Variants in TMEM9 observed in about 807,000 individuals in gnomAD.
TMEM9 encodes proton-transporting V-type ATPase complex assembly regulator TMEM9.
In TMEM9, 13 loss-of-function variants were observed where a neutral mutation model predicts 22.8. The observed-to-expected ratio is 0.57, with a 90% confidence interval of 0.37 to 0.91. The LOEUF (loss-of-function observed/expected upper bound fraction) is 0.91, where lower values mean the gene tolerates loss of function less well. TMEM9 is among the 40% of genes least tolerant of loss of function. The pLI, the probability that TMEM9 is intolerant of heterozygous loss-of-function variation, is 0.01. For missense variants in TMEM9, 182 were observed against 238.1 expected (o/e 0.76, Z 1.55); for synonymous variants, 88 against 93.0 (o/e 0.95, Z 0.31).
Position 201,146,823 on chromosome 1 carries a change from T to C in TMEM9, c.184A>G (p.Met62Val). The C allele has an allele frequency of 3.7e-6, 6 of 1,614,212 alleles. No homozygotes were observed. The highest frequency in any genetic ancestry group is 4.2e-6 in the Non-Finnish European group (5 of 1,180,036). ...TCCACGTCATGGCCAGGCACTGGCA[T>C]GGGCTCCACCACGTGCAGGCAGTTG... Reference protein sequence around the residue: ...DCNCLHVVEPMPVPGHDVEAY... With the variant: ...DCNCLHVVEPVPVPGHDVEAY... The change falls in exon 3 of 5, where the codon ATG (methionine) becomes GTG (valine). Residue 62 changes from methionine (M) to valine (V), a missense_variant. By Grantham distance (21) the Met-to-Val change is conservative (BLOSUM62 1). Coordinates refer to ENST00000367330, the MANE Select transcript of TMEM9 (RefSeq NM_001288565.2).
upstream of TMEM9, among the ~76,000 whole-genome samples, chr1:201,155,125 G>A (rs1383345657): frequency 1.3e-5 from 2 of 152,206 alleles, no homozygotes; most frequent in East Asian, 3.8e-4. Flanking sequence ...AGCTGTGAAG[G>A]AAAGGGGAGT....
intron 1 of TMEM9, among the ~76,000 whole-genome samples, chr1:201,166,501 T>G (rs1014646272): frequency 1.3e-5 from 2 of 152,074 alleles, no homozygotes; most frequent in African/African-American, 4.8e-5. Flanking sequence ...TAGCTGAAAC[T>G]GCAGGCACCT....
At chr1:201,149,494 T>A (rs1307347183) in intron 2 of TMEM9, among the ~76,000 whole-genome samples, 2 of 152,182 alleles carry the variant, frequency 1.3e-5, no homozygotes, top group African/African-American at 4.8e-5. Flanking sequence ...TCTGGGAGTG[T>A]CTCTAATAAC....
chr1:201,152,473 G>A (rs996742850), intron 1 of TMEM9, among the ~76,000 whole-genome samples: 3 of 152,082 alleles, frequency 2.0e-5, no homozygotes, highest in African/African-American at 7.2e-5. Flanking sequence ...TTACTTCAAA[G>A]TCTGGATGAT....
Position 201,154,063 on chromosome 1 carries a change from G to A in TMEM9, c.-140C>T. On this transcript the variant is annotated 5_prime_UTR_variant, in exon 1 of 5. Transcript: ENST00000367330. ...CCAAGTGGGAATGGGGTTGGGGGCT[G>A]GGCTCCAGGATTCCAAGGCCTGCTA... The A allele has an allele frequency of 3.0e-6, 3 of 1,012,794 alleles. No homozygotes were observed. Among genetic ancestry groups the A allele is most frequent in the Non-Finnish European group, 4.2e-6 (3 of 711,784 alleles). The allele number at this position is 1,012,794 out of a possible 1,614,324, so 62.7% of individuals were successfully genotyped here.
chr1:201,154,243 C>T lies in TMEM9; in HGVS notation c.-320G>A, dbSNP rs950211002. 3.1e-5 allele frequency: 8 copies of T among 259,152 alleles called. No homozygotes were observed. Among genetic ancestry groups the T allele is most frequent in the African/African-American group, 1.8e-4 (8 of 44,174 alleles). The allele number at this position is 259,152 out of a possible 1,614,324, so 16.1% of individuals were successfully genotyped here. A position where few individuals can be genotyped will look rare whatever the true frequency, so the allele number is the denominator to read the frequency against. ...CGGCTCTGACCCGCGCATCACGTCC[C>T]ACCGCCCTCCGCCATCTCCGCCTCT... is the stretch of plus-strand genomic sequence containing the variant. On this transcript the variant is annotated 5_prime_UTR_variant, in exon 1 of 5. Coordinates refer to ENST00000367330, the MANE Select transcript of TMEM9 (RefSeq NM_001288565.2).
upstream of TMEM9, among the ~76,000 whole-genome samples, chr1:201,156,643 C>T (rs1460951381): frequency 6.6e-6 from 1 of 152,202 alleles, no homozygotes; most frequent in Non-Finnish European, 1.5e-5. Flanking sequence ...AAATCTTTGC[C>T]CAAGCATTTG....
At chr1:201,152,905 T>C (rs896026749) in intron 1 of TMEM9, among the ~76,000 whole-genome samples, 1 of 152,240 alleles carries the variant, frequency 6.6e-6, no homozygotes, top group East Asian at 1.9e-4. Flanking sequence ...AAGAGACTTC[T>C]AAGACAAAAG....
At chr1:201,153,126 T>C (rs1051774658) in intron 1 of TMEM9, among the ~76,000 whole-genome samples, 2 of 152,260 alleles carry the variant, frequency 1.3e-5, no homozygotes, top group African/African-American at 4.8e-5. Context: ...TAACAGCTGA[T>C]ACAGGTATTC....
chr1:201,170,720 G>T (rs534427175), intron 1 of TMEM9, among the ~76,000 whole-genome samples: 1 of 152,316 alleles, frequency 6.6e-6, no homozygotes, highest in South Asian at 2.1e-4. Context: ...AAGGGCAAGT[G>T]TATTGCATCA....
chr1:201,153,721 A>T, intron 1 of TMEM9, 137 bp downstream of exon 1: 1 of 1,550,070 alleles, frequency 6.5e-7, no homozygotes, highest in South Asian at 1.2e-5. Flanking sequence ...CTGAAGGAAG[A>T]CCACTAAAAG....
upstream of TMEM9, among the ~76,000 whole-genome samples, chr1:201,157,568 A>G (rs1383440978): frequency 6.6e-6 from 1 of 152,252 alleles, no homozygotes; most frequent in African/African-American, 2.4e-5. Flanking sequence ...CTATCTGCCT[A>G]AATAATTTCT....
chr1:201,150,146 T>C (rs1018971197), intron 2 of TMEM9, among the ~76,000 whole-genome samples: 6 of 152,246 alleles, frequency 3.9e-5, no homozygotes, highest in African/African-American at 1.4e-4. Flanking sequence ...TCTGCCTGCA[T>C]AAGGAGTTTG....
In TMEM9 at chr1:201,154,046, G is replaced by A; in HGVS notation, c.-123C>T. On this transcript the variant is annotated 5_prime_UTR_variant, in exon 1 of 5. Transcript: ENST00000367330. ...GGCCCTTAACCATCCGGCCAAGTGG[G>A]AATGGGGTTGGGGGCTGGGCTCCAG... 1.7e-6 allele frequency: 2 copies of A among 1,192,440 alleles called. No individual in the cohort carries two copies. The highest frequency in any genetic ancestry group is 1.6e-5 in the South Asian group (1 of 63,772). 73.9% of individuals were successfully genotyped at this position (1,192,440 alleles called of 1,614,324 possible). A position where few individuals can be genotyped will look rare whatever the true frequency, so the allele number is the denominator to read the frequency against.
chr1:201,151,746 C>A lies in TMEM9; in HGVS notation c.158+15G>T, dbSNP rs748704567. On this transcript the variant is annotated intron_variant, in intron 2 of 4. Coordinates refer to ENST00000367330, the MANE Select transcript of TMEM9 (RefSeq NM_001288565.2). ...ACTGGGTATAGCAGCCAGGGGCCTG[C>A]GTGTAATGCCTTACCAGTCCTTCTG... is the stretch of plus-strand genomic sequence containing the variant. The A allele has an allele frequency of 1.1e-5, 18 of 1,603,336 alleles. No individual in the cohort carries two copies. Among genetic ancestry groups the A allele is most frequent in the Non-Finnish European group, 1.4e-5 (16 of 1,170,372 alleles).
chr1:201,171,355 G>C (rs1463600445), intron 1 of TMEM9: 1 of 152,304 alleles, frequency 6.6e-6, no homozygotes, highest in Non-Finnish European at 1.5e-5. Flanking sequence ...GATTTACCGC[G>C]CCTGGAGGTC....
intron 1 of TMEM9, among the ~76,000 whole-genome samples, chr1:201,160,936 C>CAAA (rs36053036): frequency 8.7e-6 from 1 of 115,584 alleles, no homozygotes; most frequent in Admixed American, 8.1e-5. Flanking sequence ...ACTCTGTCTC[C>CAAA]AAAAAAAAAA....
At chr1:201,141,349 T>A (rs751341796) in intron 4 of TMEM9, among the ~76,000 whole-genome samples, 3 of 152,032 alleles carry the variant, frequency 2.0e-5, no homozygotes, top group African/African-American at 4.8e-5. Context: ...CTGAATACAC[T>A]GAGAAAAGCA....
chr1:201,143,771 G>T, intron 4 of TMEM9, 49 bp downstream of exon 4: 1 of 1,603,570 alleles, frequency 6.2e-7, no homozygotes, highest in South Asian at 1.1e-5. Flanking sequence ...TTTTGCCCTG[G>T]GGACGCACAT....
Sources: allele counts gnomAD v4.1 joint callset (sites outside exome capture counted in the v4.1 genomes callset), GRCh38; gene constraint gnomAD v4.1.1; transcripts MANE v1.5; gene names NCBI Gene and HGNC (gene_info 2026-07-23, HGNC 2026-07-21).